Variants in LAMC3 observed in about 807,000 individuals in gnomAD.
The protein encoded by LAMC3 is laminin subunit gamma 3.
In LAMC3, 128 loss-of-function variants were observed where a neutral mutation model predicts 173.8. The ratio of observed to expected loss-of-function variants is 0.74; its 90% CI spans 0.64 to 0.85. The LOEUF is 0.85. Ranked by LOEUF, LAMC3 falls within the 40% of genes least tolerant of loss-of-function variation. The probability of loss-of-function intolerance (pLI) is 0.00; values close to 1 mark genes in which losing one functional copy is unlikely to be tolerated. For missense variants in LAMC3, 2,022 were observed against 2,156.0 expected (o/e 0.94, Z 1.23); for synonymous variants, 897 against 909.1 (o/e 0.99, Z 0.24).
chr9:131,071,725 G>A, intron 18 of LAMC3, 100 bp downstream of exon 18: 1 of 1,285,370 alleles, frequency 7.8e-7, no homozygotes, highest in Admixed American at 2.8e-5. Flanking sequence ...TCCCAAAACA[G>A]CCCTGTTGCC....
At chr9:131,041,820 G>A (rs1191196699) in intron 7 of LAMC3, 85 bp downstream of exon 7, 3 of 1,155,268 alleles carry the variant, frequency 2.6e-6, no homozygotes, top group Non-Finnish European at 3.8e-6. Flanking sequence ...AGTGCGGGGA[G>A]GAGCAAGGGG....
chr9:131,054,003 T>TAA (rs767164633), intron 11 of LAMC3, among the ~76,000 whole-genome samples: 3 of 130,300 alleles, frequency 2.3e-5, no homozygotes, highest in African/African-American at 5.5e-5. Flanking sequence ...ACCTTGTCTC[T>TAA]AAAAAAAAAA....
chr9:131,074,983 G>T (rs1317492280), intron 20 of LAMC3, among the ~76,000 whole-genome samples: 2 of 152,050 alleles, frequency 1.3e-5, no homozygotes, highest in Non-Finnish European at 2.9e-5. Context: ...GGTCCTATTG[G>T]CCAGGCACAG....
At chr9:131,032,653 ACTCTCTCTCACTCTCTCTCGCTCT>A (rs1385554854) in intron 3 of LAMC3, among the ~76,000 whole-genome samples, 1 of 94,746 alleles carries the variant, frequency 1.1e-5, no homozygotes, top group African/African-American at 3.9e-5. Flanking sequence ...GCTCTCACTC[ACTCTCTCTCACTCTCTCTCGCTCT>A]CTCTCTCTCT....
chr9:131,065,860 G>GTGA (rs371897039), intron 13 of LAMC3, among the ~76,000 whole-genome samples: 1 of 152,122 alleles, frequency 6.6e-6, no homozygotes, highest in Non-Finnish European at 1.5e-5. Context: ...ATGGAGGAAG[G>GTGA]TGATGATGAG....
chr9:131,026,703 T>C lies in LAMC3; in HGVS notation c.678+114T>C. On this transcript the variant is annotated intron_variant, in intron 2 of 27. Transcript: ENST00000361069. The surrounding 1 kb of genome is among the most constrained non-coding windows in gnomAD (Gnocchi z 4.8). ...GTGGGGGACCTGCAAAACCCCATGG[T>C]TTTCTTTTTCTTCTTTTATTTTTGG... 1 of 1,416,428 alleles carries C rather than the reference T, an allele frequency of 7.1e-7. No individual in the cohort carries two copies. Among genetic ancestry groups the C allele is most frequent in the Non-Finnish European group, 9.2e-7 (1 of 1,084,296 alleles). The allele number at this position is 1,416,428 out of a possible 1,614,324, so 87.7% of individuals were successfully genotyped here. A position where few individuals can be genotyped will look rare whatever the true frequency, so the allele number is the denominator to read the frequency against.
chr9:131,079,538 C>T (rs533344188), intron 23 of LAMC3, among the ~76,000 whole-genome samples: 1 of 152,058 alleles, frequency 6.6e-6, no homozygotes, highest in Non-Finnish European at 1.5e-5. Context: ...ACTAAAAATA[C>T]AAAAAATTAG....
In LAMC3 at chr9:131,082,115, G is replaced by A. The variant is rs149715525; in HGVS notation, c.3984G>A (p.Ala1328=). The stretch of plus-strand genomic sequence containing the variant: ...AGGCTTCCTCATCTGTCCAGGCTGC[G>A]ACAGTGACTGTCATGGGAGCCAGGA... The part of the protein sequence containing the change: ...LTQASSSVQA[A]TVTVMGARTL... The change falls in exon 24 of 28, where the codon GCG becomes GCA. Residue 1328 remains alanine, a synonymous_variant. Coordinates refer to ENST00000361069, the MANE Select transcript of LAMC3 (RefSeq NM_006059.4). 1.8e-5 allele frequency: 29 copies of A among 1,613,802 alleles called. 1 individual carries two copies. The highest frequency in any genetic ancestry group is 5.5e-5 in the South Asian group (5 of 91,024).
chr9:131,085,002 A>G (rs1197276231), intron 24 of LAMC3, among the ~76,000 whole-genome samples: 1 of 151,772 alleles, frequency 6.6e-6, no homozygotes, highest in Non-Finnish European at 1.5e-5. Context: ...TTGAAAGCTC[A>G]GTGGTCAATC....
Position 131,045,598 on chromosome 9 carries a change from C to G in LAMC3, c.1457C>G (p.Ser486Cys). The change falls in exon 8 of 28, where the codon TCC becomes TGC. Residue 486 changes from serine (S) to cysteine (C), a missense_variant. Ser to Cys is a moderately radical substitution (Grantham distance 112). Transcript: ENST00000361069. ...AGCAGCTGTTTCTGCTATGGCCACT[C>G]CAAGGTGTGCGCGTCCACTGCCCAG... ...GCSSCFCYGH[S>C]KVCASTAQFQ... 2 of 1,614,184 alleles carry G rather than the reference C, an allele frequency of 1.2e-6. No individual in the cohort carries two copies. Among genetic ancestry groups the G allele is most frequent in the Admixed American group, 1.7e-5 (1 of 60,028 alleles).
chr9:131,050,592 C>T lies in LAMC3; in HGVS notation c.1630+1462C>T, dbSNP rs185616013. On this transcript the variant is annotated intron_variant, in intron 9 of 27. Coordinates refer to ENST00000361069, the MANE Select transcript of LAMC3 (RefSeq NM_006059.4). ...ACCAGCCTGACCAATATGGTGAAAC[C>T]TCGTCTCTACTAAAAGTACAAAAAA... 2.2e-3 allele frequency among the ~76,000 whole-genome samples: 332 copies of T among 152,148 alleles called. 2 individuals carry two copies. Among genetic ancestry groups the T allele is most frequent in the Middle Eastern group, 0.01 (3 of 294 alleles).
At position 131,009,487 on chromosome 9, in the gene LAMC3, C is replaced by T. The variant is rs1448789704; in HGVS notation, c.273C>T (p.Leu91=). The change falls in exon 1 of 28, where the codon CTC becomes CTT. Residue 91 remains leucine, a synonymous_variant. Coordinates refer to ENST00000361069, the MANE Select transcript of LAMC3 (RefSeq NM_006059.4). The surrounding 1 kb of genome is among the most constrained non-coding windows in gnomAD (Gnocchi z 4.3). The stretch of plus-strand genomic sequence containing the variant: ...AGCGCCACCACAACGCCTCCTACCT[C>T]ACCGACTTCCACAGCCAGGACGAGA... ...DPQRHHNASY[L]TDFHSQDEST... 1.9e-6 allele frequency: 3 copies of T among 1,550,104 alleles called. No individual in the cohort carries two copies. The highest frequency in any genetic ancestry group is 2.6e-6 in the Non-Finnish European group (3 of 1,147,062).
chr9:131,013,835 G>C (rs1045336366), intron 1 of LAMC3, among the ~76,000 whole-genome samples: 1 of 152,062 alleles, frequency 6.6e-6, no homozygotes, highest in Admixed American at 6.5e-5. Context: ...GGACATTAGG[G>C]GGACCCTGTG....
At chr9:131,082,223 C>T in intron 24 of LAMC3, 62 bp downstream of exon 24, 5 of 1,245,636 alleles carry the variant, frequency 4.0e-6, no homozygotes, top group South Asian at 2.5e-5. Flanking sequence ...AGCCACTCAC[C>T]TCTCGCCTCA....
At chr9:131,041,278 A>G (rs911318080) in intron 6 of LAMC3, among the ~76,000 whole-genome samples, 17 of 151,056 alleles carry the variant, frequency 1.1e-4, no homozygotes, top group African/African-American at 4.1e-4. Context: ...GAGACAGGAG[A>G]ATCACTTGAA....
intron 9 of LAMC3, among the ~76,000 whole-genome samples, chr9:131,052,090 C>G (rs1834298340): frequency 6.6e-6 from 1 of 152,122 alleles, no homozygotes. Flanking sequence ...CGCTAAACTC[C>G]TGCTGCTGGG....
intron 14 of LAMC3, among the ~76,000 whole-genome samples, 194 bp from the exon 15 acceptor site, chr9:131,067,884 C>G (rs1018914441): frequency 5.9e-5 from 9 of 152,190 alleles, no homozygotes; most frequent in African/African-American, 2.2e-4. Context: ...GGCTGTCCCT[C>G]TAAGGATATA....
Position 131,009,405 on chromosome 9 carries a change from A to T in LAMC3, c.191A>T (p.His64Leu). The change falls in exon 1 of 28, where the codon CAC (histidine) becomes CTC (leucine). Residue 64 changes from histidine to leucine, a missense_variant. Physicochemically the swap from His to Leu is moderately conservative, Grantham distance 99 (BLOSUM62 -3). Transcript: ENST00000361069. The surrounding 1 kb of genome is among the most constrained non-coding windows in gnomAD (Gnocchi z 4.3). ...AGCCCGCCCGAGGACTTCTGTCCCC[A>T]CGTGGGCGCCGCGGGCGCGGGGGCT... ...CGSPPEDFCP[H>L]VGAAGAGAHC... 1 of 1,539,672 alleles carries T rather than the reference A, an allele frequency of 6.5e-7. No individual in the cohort carries two copies. The highest frequency in any genetic ancestry group is 2.5e-5 in the East Asian group (1 of 40,596).
intron 2 of LAMC3, among the ~76,000 whole-genome samples, chr9:131,027,251 A>C (rs1384549857): frequency 6.6e-6 from 1 of 152,188 alleles, no homozygotes. Flanking sequence ...AGCATTTTCC[A>C]GGGGCACAAA....
Sources: gnomAD v4.1 joint callset for allele counts (sites outside exome capture counted in the v4.1 genomes callset) on GRCh38, gnomAD v4.1.1 for gene constraint, Gnocchi (gnomAD v3.1) non-coding constraint, MANE v1.5 for transcripts, NCBI Gene and HGNC (gene_info 2026-07-23, HGNC 2026-07-21) for gene names.